Variants in WBP11 observed in about 807,000 individuals in gnomAD.
WBP11 encodes the protein WW domain-binding protein 11.
WBP11 carries 12 observed loss-of-function variants against 66.7 expected under a neutral mutation model. The observed-to-expected ratio is 0.18, with a 90% CI of 0.12 to 0.29. The LOEUF is 0.29. WBP11 is among the 10% of genes least tolerant of loss of function. WBP11 has a pLI of 1.00. For synonymous variants in WBP11, 255 were observed against 273.8 expected, an observed-to-expected ratio of 0.93 and a Z score of 0.68; for missense variants, 555 against 818.3, an observed-to-expected ratio of 0.68 and a Z score of 3.93.
rs1237078277 is a variant in WBP11 at position 14,800,797 on chromosome 12, G to C, written c.65-14C>G. 5 of 1,594,884 alleles carry C rather than the reference G, an allele frequency of 3.1e-6. No individual in the cohort carries two copies. Among genetic ancestry groups the C allele is most frequent in the South Asian group, 2.2e-5 (2 of 89,270 alleles). ...GGGCTTCCTTTCCTTTAAAAGGAGA[G>C]AGGGAGATATAATAAAATCTTTGAA... is the stretch of plus-strand genomic sequence containing the variant. On this transcript the variant is annotated splice_polypyrimidine_tract_variant and intron_variant, in intron 2 of 11. Transcript: ENST00000261167.
chr12:14,794,556 C>T lies in WBP11; in HGVS notation c.702G>A (p.Met234Ile). 6.2e-7 allele frequency: 1 copy of T among 1,613,926 alleles called. No individual in the cohort carries two copies. Among genetic ancestry groups the T allele is most frequent in the Non-Finnish European group, 8.5e-7 (1 of 1,180,026 alleles). Residue 234 changes from methionine (M) to isoleucine (I), a missense_variant, in exon 7 of 12, where the codon ATG becomes ATA. Physicochemically the swap from Met to Ile is conservative, Grantham distance 10. This residue lies in a region of WBP11 where 220 missense variants were observed against 268.2 expected (regional missense o/e 0.82). Coordinates refer to ENST00000261167, the MANE Select transcript of WBP11 (RefSeq NM_016312.3). The stretch of plus-strand genomic sequence containing the variant: ...TCTCACCAAGTTCAGGACTATATAA[C>T]ATGTCTTCATCTCGCCTACGAGGGG... ...DLPPRRRDED[M>I]LYSPELAQRG... is the part of the protein sequence containing the mutation.
chr12:14,787,399 G>T lies in WBP11; in HGVS notation c.1592C>A (p.Pro531His). Residue 531 changes from proline to histidine, a missense_variant, in exon 12 of 12, where the codon CCT becomes CAT. Pro to His is a moderately conservative substitution (Grantham distance 77). Around this residue, in one of 6 missense-constraint regions of WBP11, gnomAD observed 230 missense variants for 286.3 expected, o/e 0.80. Transcript: ENST00000261167. The stretch of plus-strand genomic sequence containing the variant: ...GTTGGGTGGGGCACTTAAAACCCCA[G>T]GGTTTGGCAAGGGAGCTGGTGGGAA... Reference protein sequence around the residue: ...GLFPPAPLPNPGVLSAPPNLI... With the variant: ...GLFPPAPLPNHGVLSAPPNLI... 1 of 1,584,462 alleles carries T rather than the reference G, an allele frequency of 6.3e-7. No individual in the cohort carries two copies. Among genetic ancestry groups the T allele is most frequent in the Non-Finnish European group, 8.6e-7 (1 of 1,162,526 alleles).
chr12:14,790,710 A>G lies in WBP11; in HGVS notation c.1055T>C (p.Phe352Ser). 6.2e-7 allele frequency: 1 copy of G among 1,614,164 alleles called. No individual in the cohort carries two copies. The highest frequency in any genetic ancestry group is 8.5e-7 in the Non-Finnish European group (1 of 1,180,020). The change falls in exon 10 of 12, where the codon TTT becomes TCT. Residue 352 changes from phenylalanine to serine, a missense_variant. Phe to Ser is a radical substitution (Grantham distance 155). Transcript: ENST00000261167. The part of the protein sequence containing the change: ...IPEEGREVEE[F>S]SEDDDEDDSD... ...ATCATCTTCATCATCGTCCTCTGAA[A>G]ATTCCTCTACTTCCCGTCCCTCCTC...
Position 14,796,761 on chromosome 12 carries a change from C to G in WBP11, c.387+46G>C. 1 of 1,530,516 alleles carries G rather than the reference C, an allele frequency of 6.5e-7. No individual in the cohort carries two copies. Among genetic ancestry groups the G allele is most frequent in the Non-Finnish European group, 8.7e-7 (1 of 1,143,206 alleles). The allele number at this position is 1,530,516 out of a possible 1,614,324, so 94.8% of individuals were successfully genotyped here. On this transcript the variant is annotated intron_variant, in intron 5 of 11. Coordinates refer to ENST00000261167, the MANE Select transcript of WBP11 (RefSeq NM_016312.3). The surrounding 1 kb of genome is among the most constrained non-coding windows in gnomAD (Gnocchi z 4.5). ...GCACTTTGCATAAGGGATACTCAAT[C>G]TGTATAATATTTTAGTTTATCTCTC...
In WBP11 at chr12:14,787,004, A is replaced by T. The variant is rs1470494887; in HGVS notation, c.*61T>A. The T allele has an allele frequency of 1.4e-6, 2 of 1,466,184 alleles. No homozygotes were observed. Among genetic ancestry groups the T allele is most frequent in the African/African-American group, 2.8e-5 (2 of 70,350 alleles). 90.8% of individuals were successfully genotyped at this position (1,466,184 alleles called of 1,614,324 possible). A position where few individuals can be genotyped will look rare whatever the true frequency, so the allele number is the denominator to read the frequency against. On this transcript the variant is annotated 3_prime_UTR_variant, in exon 12 of 12. Transcript: ENST00000261167. ...GCAGCTCTTTCATCTAAGTTTAATAAGAGCCTCTTTCTCCATGGGCCACTG... is the reference window on the plus strand; with the variant it reads ...GCAGCTCTTTCATCTAAGTTTAATATGAGCCTCTTTCTCCATGGGCCACTG...
chr12:14,789,782 C>A (rs1396192976), intron 10 of WBP11, among the ~76,000 whole-genome samples: 2 of 151,996 alleles, frequency 1.3e-5, no homozygotes, highest in East Asian at 1.9e-4. Flanking sequence ...CTTTAAGGAC[C>A]CCTTGAAACT....
At chr12:14,792,613 A>G (rs1223213258) in intron 8 of WBP11, among the ~76,000 whole-genome samples, 1 of 152,026 alleles carries the variant, frequency 6.6e-6, no homozygotes, top group Non-Finnish European at 1.5e-5. Flanking sequence ...GGGGCAGATC[A>G]CCTGTGGTCA....
intron 9 of WBP11, 75 bp downstream of exon 9, chr12:14,791,094 A>G (rs1949816426): frequency 7.0e-7 from 1 of 1,431,282 alleles, no homozygotes; most frequent in Admixed American, 1.9e-5. Context: ...TGAGATACTA[A>G]ATGGAAAAAC....
Position 14,793,942 on chromosome 12 carries a change from C to G in WBP11, c.722-20G>C. ...GCTGGGCTGAAAAGTGGGAAGGGAA[C>G]ATGGAGAAGTAGTATGATTGGACCC... On this transcript the variant is annotated intron_variant, in intron 7 of 11. Coordinates refer to ENST00000261167, the MANE Select transcript of WBP11 (RefSeq NM_016312.3). 6.3e-7 allele frequency: 1 copy of G among 1,583,292 alleles called. No homozygotes were observed. The highest frequency in any genetic ancestry group is 1.4e-5 in the African/African-American group (1 of 72,630).
chr12:14,791,274 A>G lies in WBP11; in HGVS notation c.914-4T>C. The stretch of plus-strand genomic sequence containing the variant: ...TCTGCAAACCGTACACTCAGACCTA[A>G]GGGGACAAAGGAGGGAGTGGAGTAG... On this transcript the variant is annotated splice_region_variant and splice_polypyrimidine_tract_variant and intron_variant, in intron 8 of 11. Transcript: ENST00000261167. 1.2e-6 allele frequency: 2 copies of G among 1,613,660 alleles called. No individual in the cohort carries two copies. Among genetic ancestry groups the G allele is most frequent in the Non-Finnish European group, 1.7e-6 (2 of 1,179,662 alleles).
chr12:14,802,238 C>T (rs377740604), intron 1 of WBP11, among the ~76,000 whole-genome samples: 24 of 152,246 alleles, frequency 1.6e-4, no homozygotes, highest in African/African-American at 5.8e-4. Flanking sequence ...TGACTTCTTC[C>T]TCTTATTCCA....
At chr12:14,800,858 G>C (rs1301888588) in intron 2 of WBP11, 75 bp from the exon 3 acceptor site, 1 of 1,307,572 alleles carries the variant, frequency 7.6e-7, no homozygotes, top group Non-Finnish European at 1.1e-6. Context: ...TTTAATACAG[G>C]TAATTCTTTA....
chr12:14,789,267 A>C (rs1949793645), intron 10 of WBP11, 134 bp from the exon 11 acceptor site: 3 of 818,070 alleles, frequency 3.7e-6, no homozygotes, highest in Non-Finnish European at 5.5e-6. Flanking sequence ...TGAAACATAC[A>C]TGGAAACAGA....
intron 8 of WBP11, among the ~76,000 whole-genome samples, chr12:14,792,755 C>T (rs187299524): frequency 9.2e-5 from 14 of 151,694 alleles, no homozygotes; most frequent in Admixed American, 2.0e-4. Flanking sequence ...ATCGCTTGAA[C>T]CTAGGAGATG....
At chr12:14,791,100 A>G in intron 9 of WBP11, 69 bp downstream of exon 9, 1 of 1,465,932 alleles carries the variant, frequency 6.8e-7, no homozygotes, top group South Asian at 1.2e-5. Context: ...ACTAAATGGA[A>G]AAACGTATGT....
chr12:14,790,386 A>T, intron 10 of WBP11, 70 bp downstream of exon 10: 1 of 1,533,266 alleles, frequency 6.5e-7, no homozygotes, highest in Non-Finnish European at 8.9e-7. Flanking sequence ...CACTAACAAC[A>T]CATAGTATTT....
rs771992886 is a variant in WBP11 at position 14,788,998 on chromosome 12, G to T, written c.1445C>A (p.Pro482His). The T allele has an allele frequency of 6.7e-7, 1 of 1,481,550 alleles. No homozygotes were observed. Among genetic ancestry groups the T allele is most frequent in the Non-Finnish European group, 8.9e-7 (1 of 1,123,400 alleles). 91.8% of individuals were successfully genotyped at this position (1,481,550 alleles called of 1,614,324 possible). Reference protein sequence around the residue: ...PGPPPGLPPGPPPRGPPPRLP... With the variant: ...PGPPPGLPPGHPPRGPPPRLP... Reference sequence around the variant, plus strand: ...CCTTGGTGGGGGTCCACGAGGAGGGGGACCAGGAGGCAGACCTGGAGGTGG... The same window carrying T: ...CCTTGGTGGGGGTCCACGAGGAGGGTGACCAGGAGGCAGACCTGGAGGTGG... The change falls in exon 11 of 12, where the codon CCC becomes CAC. Residue 482 changes from proline to histidine, a missense_variant. By Grantham distance (77) the Pro-to-His change is moderately conservative (BLOSUM62 -2). Around this residue, in one of 6 missense-constraint regions of WBP11, gnomAD observed 230 missense variants for 286.3 expected, o/e 0.80. Transcript: ENST00000261167.
At position 14,793,907 on chromosome 12, in the gene WBP11, T is replaced by A. The variant is rs767849688; in HGVS notation, c.737A>T (p.Asp246Val). 1.2e-6 allele frequency: 2 copies of A among 1,611,198 alleles called. No individual in the cohort carries two copies. Among genetic ancestry groups the A allele is most frequent in the Non-Finnish European group, 8.5e-7 (1 of 1,178,342 alleles). ...TTCACTGGTGCTAGAAACATCATCA[T>A]CATGACCTCGCTGGGCTGAAAAGTG... Reference protein sequence around the residue: ...YSPELAQRGHDDDVSSTSEDD... With the variant: ...YSPELAQRGHVDDVSSTSEDD... Residue 246 changes from aspartate to valine, a missense_variant, in exon 8 of 12, where the codon GAT becomes GTT. Physicochemically the swap from Asp to Val is radical, Grantham distance 152. Around this residue, in one of 6 missense-constraint regions of WBP11, gnomAD observed 220 missense variants for 268.2 expected, o/e 0.82. Coordinates refer to ENST00000261167, the MANE Select transcript of WBP11 (RefSeq NM_016312.3).
chr12:14,794,975 A>G lies in WBP11; in HGVS notation c.517T>C (p.Tyr173His), dbSNP rs1359892714. ...ATTGTGACACTGCTTCCTTACCCAT[A>G]GGCTGAGGTTTTCTTTAGGATAGAG... is the stretch of plus-strand genomic sequence containing the variant. ...PPSILKKTSA[Y>H]GPPTRAVSIL... The change falls in exon 6 of 12, where the codon TAT becomes CAT. Residue 173 changes from tyrosine (Y) to histidine (H), a missense_variant. By Grantham distance (83) the Tyr-to-His change is moderately conservative (BLOSUM62 2). Transcript: ENST00000261167. The G allele has an allele frequency of 3.1e-6, 5 of 1,612,000 alleles. 1 individual carries two copies. The South Asian group carries it at 5.5e-5, about 18-fold the overall frequency.
Sources: allele counts gnomAD v4.1 joint callset (sites outside exome capture counted in the v4.1 genomes callset), GRCh38; gene constraint gnomAD v4.1.1; regional missense constraint gnomAD v4.1.1; non-coding constraint Gnocchi (gnomAD v3.1); transcripts MANE v1.5; gene names NCBI Gene and HGNC (gene_info 2026-07-23, HGNC 2026-07-21).